The following FGGY variants were observed in gnomAD, a reference collection of about 807,000 sequenced individuals.
FGGY encodes FGGY carbohydrate kinase domain-containing protein.
FGGY carries 72 observed loss-of-function variants against 71.3 expected under a neutral mutation model. That is an observed-to-expected ratio of 1.01 (90% CI 0.84 to 1.23). The LOEUF is 1.23. Among genes scored for constraint, FGGY ranks in the 50% most tolerant of loss-of-function variants. The pLI is 0.00. For synonymous variants in FGGY, 251 were observed against 250.3 expected (o/e 1.00, Z -0.02); for missense variants, 668 against 682.3 (o/e 0.98, Z 0.23).
At chr1:59,297,205 T>C in intron 1 of FGGY, 55 bp downstream of exon 1, 1 of 152,658 alleles carries the variant, frequency 6.6e-6, no homozygotes, top group Non-Finnish European at 1.5e-5. Context: ...CTTGACTGCA[T>C]CCCCAAGGCT....
rs1033322893 is a variant in FGGY at position 59,665,953 on chromosome 1, G to A, written c.1297-1330G>A. On this transcript the variant is annotated intron_variant, in intron 12 of 15. Transcript: ENST00000303721. ...CTCCCAAAGTGCTGGGATTACAGGC[G>A]TGAGCCACCGCGCCCGGCCCAAAAC... Among the ~76,000 whole-genome samples, 6 of 152,146 alleles carry A rather than the reference G, an allele frequency of 3.9e-5. 1 individual carries two copies. Among genetic ancestry groups the A allele is most frequent in the Non-Finnish European group, 7.4e-5 (5 of 68,020 alleles).
intron 7 of FGGY, among the ~76,000 whole-genome samples, chr1:59,536,170 A>G (rs971763752): frequency 9.9e-5 from 15 of 151,936 alleles, no homozygotes; most frequent in East Asian, 3.9e-4. Flanking sequence ...CCACAGAAAT[A>G]CAAACTACCA....
chr1:59,347,115 C>CT (rs2052176328), intron 4 of FGGY, among the ~76,000 whole-genome samples: 1 of 87,912 alleles, frequency 1.1e-5, no homozygotes, highest in African/African-American at 4.5e-5. Flanking sequence ...TATTATTATA[C>CT]TTTAAGTTTT....
intron 14 of FGGY, among the ~76,000 whole-genome samples, chr1:59,743,405 T>A (rs2101447463): frequency 6.6e-6 from 1 of 152,324 alleles, no homozygotes; most frequent in Non-Finnish European, 1.5e-5. Flanking sequence ...CCTCTATCCA[T>A]ATTGTGTAGC....
intron 4 of FGGY, among the ~76,000 whole-genome samples, chr1:59,377,749 C>T (rs71646037): frequency 0.078 from 11,920 of 152,010 alleles, 538 homozygotes; most frequent in Non-Finnish European, 0.1. Context: ...GTAGGGTTAA[C>T]CAAATGAGGA....
chr1:59,456,446 CTTTT>C (rs554474364), intron 5 of FGGY, among the ~76,000 whole-genome samples: 3 of 133,074 alleles, frequency 2.3e-5, no homozygotes, highest in East Asian at 2.1e-4. Flanking sequence ...AGGACTGAAA[CTTTT>C]TTTTTTTTTT....
intron 14 of FGGY, among the ~76,000 whole-genome samples, chr1:59,717,837 T>C (rs2097856465): frequency 2.0e-5 from 3 of 152,256 alleles, no homozygotes; most frequent in Admixed American, 1.3e-4. Context: ...AGTATTTCTG[T>C]GTGCCAGCAC....
rs185397315 is a variant in FGGY at position 59,347,143 on chromosome 1, C to T, written c.465+745C>T. On this transcript the variant is annotated intron_variant, in intron 4 of 15. Coordinates refer to ENST00000303721, the MANE Select transcript of FGGY (RefSeq NM_018291.5). ...TAAGTTTTAGGGTACATGTGCACAA[C>T]GTGCAGGTTAGTTACATATGTATAC... Among the ~76,000 whole-genome samples, 232 of 150,624 alleles carry T rather than the reference C, an allele frequency of 1.5e-3. 2 individuals carry two copies. Among genetic ancestry groups the T allele is most frequent in the East Asian group, 2.0e-3 (10 of 5,120 alleles).
At chr1:59,635,241 G>A (rs551201351) in intron 10 of FGGY, among the ~76,000 whole-genome samples, 4 of 152,232 alleles carry the variant, frequency 2.6e-5, no homozygotes, top group Non-Finnish European at 5.9e-5. Flanking sequence ...CACATGGTAA[G>A]GTATAATTGA....
intron 14 of FGGY, among the ~76,000 whole-genome samples, chr1:59,740,822 A>G (rs1447367858): frequency 6.6e-6 from 1 of 152,216 alleles, no homozygotes; most frequent in African/African-American, 2.4e-5. Flanking sequence ...GACCTGTGCT[A>G]TCCAACAGTA....
intron 3 of FGGY, among the ~76,000 whole-genome samples, chr1:59,341,358 T>C (rs1480126550): frequency 6.6e-6 from 1 of 152,206 alleles, no homozygotes; most frequent in East Asian, 1.9e-4. Context: ...ATAGTGATTA[T>C]TATAATTATA....
At chr1:59,593,044 C>G (rs768258343) in intron 8 of FGGY, among the ~76,000 whole-genome samples, 1 of 151,738 alleles carries the variant, frequency 6.6e-6, no homozygotes, top group Non-Finnish European at 1.5e-5. Context: ...ATAGAAGAAA[C>G]CACACATATA....
intron 7 of FGGY, among the ~76,000 whole-genome samples, chr1:59,516,231 A>T (rs1489628535): frequency 6.6e-6 from 1 of 152,140 alleles, no homozygotes; most frequent in Admixed American, 6.5e-5. Flanking sequence ...TAGGATGTGG[A>T]GGTGAACAGA....
chr1:59,499,299 G>GTTTTTTTTGTTTTTTTTTTTTT (rs2094146588), intron 6 of FGGY, among the ~76,000 whole-genome samples: 1 of 105,804 alleles, frequency 9.5e-6, no homozygotes, highest in Non-Finnish European at 1.8e-5. Flanking sequence ...TACTATGTTT[G>GTTTTTTTTGTTTTTTTTTTTTT]TTTTTTTTTT....
intron 6 of FGGY, among the ~76,000 whole-genome samples, chr1:59,480,837 C>T (rs1180094621): frequency 6.6e-6 from 1 of 152,118 alleles, no homozygotes. Flanking sequence ...TCATAATGCC[C>T]TTCTATTCCA....
chr1:59,438,435 C>A (rs2068992587), intron 5 of FGGY, among the ~76,000 whole-genome samples: 1 of 152,192 alleles, frequency 6.6e-6, no homozygotes, highest in African/African-American at 2.4e-5. Flanking sequence ...CATGTTTAGG[C>A]ATATCATAGA....
At chr1:59,568,132 CAGTA>C (rs1362539104) in intron 8 of FGGY, among the ~76,000 whole-genome samples, 1 of 152,098 alleles carries the variant, frequency 6.6e-6, no homozygotes, top group Non-Finnish European at 1.5e-5. Flanking sequence ...AATATCTCTA[CAGTA>C]AAACATATGA....
chr1:59,700,132 A>G (rs1464449093), intron 14 of FGGY, among the ~76,000 whole-genome samples: 1 of 152,244 alleles, frequency 6.6e-6, no homozygotes, highest in African/African-American at 2.4e-5. Flanking sequence ...AGTCTTATAA[A>G]ACTGTTTTTG....
chr1:59,695,971 C>T (rs2097654717), intron 14 of FGGY, among the ~76,000 whole-genome samples: 2 of 152,064 alleles, frequency 1.3e-5, no homozygotes, highest in Admixed American at 6.5e-5. Context: ...ACTTTCTAAC[C>T]ATATGTCAGT....
Sources: gnomAD v4.1 joint callset for allele counts (sites outside exome capture counted in the v4.1 genomes callset) on GRCh38, gnomAD v4.1.1 for gene constraint, MANE v1.5 for transcripts, NCBI Gene and HGNC (gene_info 2026-07-23, HGNC 2026-07-21) for gene names.